Variants in TRPC7 observed in about 807,000 individuals in gnomAD.
TRPC7 encodes short transient receptor potential channel 7.
TRPC7 carries 42 observed loss-of-function variants against 90.1 expected under a neutral mutation model. That is an observed-to-expected ratio of 0.47 (90% CI 0.36 to 0.60). The LOEUF (loss-of-function observed/expected upper bound fraction) is 0.60, where lower values mean the gene tolerates loss of function less well. Among genes scored for constraint, TRPC7 ranks in the 20% least tolerant of loss-of-function variants. TRPC7 has a pLI of 0.00. For missense variants in TRPC7, 955 were observed against 1,112.3 expected, an observed-to-expected ratio of 0.86 and a Z score of 2.01; for synonymous variants, 451 against 436.3, an observed-to-expected ratio of 1.03 and a Z score of -0.42.
At chr5:136,236,505 C>T (rs1755986479) in intron 7 of TRPC7, among the ~76,000 whole-genome samples, 1 of 152,134 alleles carries the variant, frequency 6.6e-6, no homozygotes, top group Non-Finnish European at 1.5e-5. Context: ...GTCAATAGGC[C>T]ACCCCAGCAT....
intron 2 of TRPC7, among the ~76,000 whole-genome samples, chr5:136,337,582 C>G (rs1480254126): frequency 1.3e-5 from 2 of 151,228 alleles, no homozygotes; most frequent in African/African-American, 4.9e-5. Context: ...AGGAGAATCA[C>G]TTGAACCTGG....
At chr5:136,310,967 A>C (rs1315512719) in intron 3 of TRPC7, among the ~76,000 whole-genome samples, 1 of 152,146 alleles carries the variant, frequency 6.6e-6, no homozygotes, top group African/African-American at 2.4e-5. Context: ...CTGATAATAT[A>C]TGTGCTTTCT....
chr5:136,281,699 AGCCTAATTCGTT>A (rs1757556452), intron 3 of TRPC7, among the ~76,000 whole-genome samples: 1 of 152,200 alleles, frequency 6.6e-6, no homozygotes, highest in Admixed American at 6.5e-5. Flanking sequence ...GGAACTGAGT[AGCCTAATTCGTT>A]AGGTCTCAAT....
chr5:136,325,359 G>C (rs1414316856), intron 2 of TRPC7, among the ~76,000 whole-genome samples: 1 of 152,182 alleles, frequency 6.6e-6, no homozygotes, highest in East Asian at 1.9e-4. Context: ...AGAGAGCAGA[G>C]AAATGGAAAA....
At chr5:136,307,394 G>A (rs1259332363) in intron 3 of TRPC7, among the ~76,000 whole-genome samples, 6 of 151,910 alleles carry the variant, frequency 3.9e-5, no homozygotes, top group Non-Finnish European at 8.8e-5. Context: ...TGTGGTATTT[G>A]TCTTTCTGAG....
intron 2 of TRPC7, among the ~76,000 whole-genome samples, chr5:136,331,768 A>G (rs917173075): frequency 2.0e-5 from 3 of 152,106 alleles, no homozygotes; most frequent in Non-Finnish European, 4.4e-5. Context: ...TGCTCACCCA[A>G]GGGGGAGATA....
intron 6 of TRPC7, among the ~76,000 whole-genome samples, chr5:136,249,850 G>A (rs114338733): frequency 1.7e-3 from 255 of 152,328 alleles, no homozygotes; most frequent in African/African-American, 5.8e-3. Context: ...CCACCGTCCA[G>A]CTGGCCACAA....
At chr5:136,336,006 C>T (rs531209365) in intron 2 of TRPC7, among the ~76,000 whole-genome samples, 20 of 151,638 alleles carry the variant, frequency 1.3e-4, no homozygotes, top group Admixed American at 9.2e-4. Flanking sequence ...TTCCCACAAA[C>T]CCAACTTCCC....
intron 2 of TRPC7, among the ~76,000 whole-genome samples, chr5:136,321,559 A>G (rs1293687610): frequency 1.3e-5 from 2 of 152,202 alleles, no homozygotes; most frequent in African/African-American, 4.8e-5. Context: ...AATAATAAAT[A>G]ACACAAATAA....
chr5:136,301,755 G>C (rs547569950), intron 3 of TRPC7, among the ~76,000 whole-genome samples: 6 of 152,154 alleles, frequency 3.9e-5, no homozygotes, highest in Admixed American at 2.6e-4. Flanking sequence ...GACTCAGCCT[G>C]CCTGCACCCA....
intron 2 of TRPC7, among the ~76,000 whole-genome samples, chr5:136,331,297 C>A (rs947582930): frequency 7.2e-5 from 11 of 152,140 alleles, no homozygotes; most frequent in Non-Finnish European, 1.6e-4. Context: ...AGGATTGGCT[C>A]ATGGAAGATC....
At chr5:136,313,014 G>C (rs1464966749) in intron 3 of TRPC7, among the ~76,000 whole-genome samples, 1 of 115,978 alleles carries the variant, frequency 8.6e-6, no homozygotes, top group Non-Finnish European at 1.7e-5. Context: ...ACAGGGTCTT[G>C]CTATGTCCCC....
intron 3 of TRPC7, 75 bp downstream of exon 3, chr5:136,315,522 A>G: frequency 1.3e-6 from 2 of 1,513,254 alleles, no homozygotes; most frequent in Non-Finnish European, 1.8e-6. Context: ...TAAAATAGAC[A>G]TGAGCAAAAA....
intron 4 of TRPC7, 132 bp downstream of exon 4, chr5:136,274,541 C>T (rs117571113): frequency 3.5e-5 from 35 of 990,764 alleles, no homozygotes; most frequent in East Asian, 1.9e-4. Flanking sequence ...CTACTTTCAC[C>T]GGGTATCTCA....
intron 2 of TRPC7, among the ~76,000 whole-genome samples, chr5:136,351,132 T>C (rs1164994554): frequency 6.6e-6 from 1 of 152,362 alleles, no homozygotes; most frequent in East Asian, 1.9e-4. Flanking sequence ...TTTTATTGTA[T>C]TGTGATTTTT....
At chr5:136,216,597 G>C (rs1310109304) in intron 10 of TRPC7, among the ~76,000 whole-genome samples, 2 of 152,270 alleles carry the variant, frequency 1.3e-5, no homozygotes, top group Non-Finnish European at 2.9e-5. Context: ...TCTGCTCCAG[G>C]GGCCTTGGCC....
chr5:136,322,307 C>A (rs1759224216), intron 2 of TRPC7, among the ~76,000 whole-genome samples: 1 of 152,134 alleles, frequency 6.6e-6, no homozygotes. Flanking sequence ...AGCCACCATA[C>A]CTGGCTAATA....
chr5:136,338,033 C>T (rs1759721066), intron 2 of TRPC7, among the ~76,000 whole-genome samples: 1 of 152,066 alleles, frequency 6.6e-6, no homozygotes, highest in Non-Finnish European at 1.5e-5. Context: ...GTATTCTAAC[C>T]ATGGGAGGGA....
chr5:136,248,126 C>G (rs1299419570), intron 6 of TRPC7, among the ~76,000 whole-genome samples: 1 of 152,178 alleles, frequency 6.6e-6, no homozygotes, highest in Non-Finnish European at 1.5e-5. Context: ...ATTCTGTCTC[C>G]CTCACCAGTG....
Sources: allele counts gnomAD v4.1 joint callset (sites outside exome capture counted in the v4.1 genomes callset), GRCh38; gene constraint gnomAD v4.1.1; transcripts MANE v1.5; gene names NCBI Gene and HGNC (gene_info 2026-07-23, HGNC 2026-07-21).